Variants in SLC7A6OS observed in about 807,000 individuals in gnomAD.
SLC7A6OS encodes the protein probable RNA polymerase II nuclear localization protein SLC7A6OS.
In SLC7A6OS, 22 loss-of-function variants were observed where a neutral mutation model predicts 34.3. The ratio of observed to expected loss-of-function variants is 0.64; its 90% CI spans 0.46 to 0.92. The LOEUF (loss-of-function observed/expected upper bound fraction) is 0.92. SLC7A6OS is among the 40% of genes least tolerant of loss of function. The probability of loss-of-function intolerance (pLI) is 0.00; values close to 1 mark genes in which losing one functional copy is unlikely to be tolerated. For missense variants in SLC7A6OS, 434 were observed against 407.7 expected (o/e 1.06, Z -0.56); for synonymous variants, 199 against 165.0 (o/e 1.21, Z -1.58).
rs751661935 is a variant in SLC7A6OS, at chr16:68,310,624, A to T, written c.193-11T>A. On this transcript the variant is annotated splice_polypyrimidine_tract_variant and intron_variant, in intron 1 of 4. Transcript: ENST00000263997. ...CTGGACTGGTTCCTCCTAGGGGGCA[A>T]CAGGGGACGGAGGCCAGCGTAAGCA... 6.3e-7 allele frequency: 1 copy of T among 1,591,852 alleles called. No individual in the cohort carries two copies. The highest frequency in any genetic ancestry group is 1.3e-5 in the African/African-American group (1 of 74,566).
chr16:68,304,009 C>T lies in SLC7A6OS; in HGVS notation c.678+17G>A. ...CTTAGGATGCCTCATGCCCCGTCTG[C>T]TCATGGGCCCCCTTACCAGCTCCCA... On this transcript the variant is annotated intron_variant, in intron 3 of 4. Coordinates refer to ENST00000263997, the MANE Select transcript of SLC7A6OS (RefSeq NM_032178.3). The T allele has an allele frequency of 6.2e-7, 1 of 1,610,870 alleles. No individual in the cohort carries two copies. The highest frequency in any genetic ancestry group is 8.5e-7 in the Non-Finnish European group (1 of 1,178,238).
intron 2 of SLC7A6OS, among the ~76,000 whole-genome samples, chr16:68,307,361 A>G (rs1323687172): frequency 6.6e-6 from 1 of 152,188 alleles, no homozygotes; most frequent in East Asian, 1.9e-4. Flanking sequence ...CCCTAGGATA[A>G]ATCTTGGAGG....
chr16:68,303,423 A>C (rs2043301988), intron 3 of SLC7A6OS, among the ~76,000 whole-genome samples: 1 of 151,932 alleles, frequency 6.6e-6, no homozygotes, highest in African/African-American at 2.4e-5. Flanking sequence ...CTACAAAAAA[A>C]TCAACAAAAA....
chr16:68,301,174 T>C lies in SLC7A6OS; in HGVS notation c.*101A>G, dbSNP rs1597018646. 34 of 1,505,544 alleles carry C rather than the reference T, an allele frequency of 2.3e-5. No individual in the cohort carries two copies. The East Asian group carries it at 7.8e-4, about 35-fold the overall frequency. 93.3% of individuals were successfully genotyped at this position (1,505,544 alleles called of 1,614,324 possible). Reference sequence around the variant, plus strand: ...TGCTTGATATGCTTTTCCTTCCACATGTTAAGCTAGGAAACCTAACAGGAT... The same window carrying C: ...TGCTTGATATGCTTTTCCTTCCACACGTTAAGCTAGGAAACCTAACAGGAT... On this transcript the variant is annotated 3_prime_UTR_variant, in exon 5 of 5. Coordinates refer to ENST00000263997, the MANE Select transcript of SLC7A6OS (RefSeq NM_032178.3).
At position 68,301,036 on chromosome 16, in the gene SLC7A6OS, T is replaced by C. The variant is rs1278017423; in HGVS notation, c.*239A>G. The C allele has an allele frequency of 5.9e-6, 7 of 1,177,918 alleles. No individual in the cohort carries two copies. Among genetic ancestry groups the C allele is most frequent in the Non-Finnish European group, 7.3e-6 (7 of 954,222 alleles). 73.0% of individuals were successfully genotyped at this position (1,177,918 alleles called of 1,614,324 possible). ...CCTTCCTTTTTTCAACGTTTTTTTT[T>C]CTTTCAAACTGTAGGGTCACTTTTG... On this transcript the variant is annotated 3_prime_UTR_variant, in exon 5 of 5. Transcript: ENST00000263997.
Position 68,298,947 on chromosome 16 carries a change from A to T in SLC7A6OS, c.*2328T>A, listed in dbSNP as rs530677173. On this transcript the variant is annotated 3_prime_UTR_variant, in exon 5 of 5. Coordinates refer to ENST00000263997, the MANE Select transcript of SLC7A6OS (RefSeq NM_032178.3). ...TCTCCCTTCCTGACCATTCTTCTCC[A>T]CCCAGTCACAGATAAGGGAATAACC... 10 of 152,760 alleles carry T rather than the reference A, an allele frequency of 6.5e-5. No homozygotes were observed. The highest frequency in any genetic ancestry group is 5.2e-4 in the Admixed American group (8 of 15,292). The allele number at this position is 152,760 out of a possible 1,614,324, so 9.5% of individuals were successfully genotyped here.
At chr16:68,302,621 C>A in intron 3 of SLC7A6OS, 120 bp from the exon 4 acceptor site, 1 of 1,171,572 alleles carries the variant, frequency 8.5e-7, no homozygotes. Flanking sequence ...GAAAAAACTG[C>A]AGACTAGTAG....
intron 2 of SLC7A6OS, 107 bp from the exon 3 acceptor site, chr16:68,304,339 G>C (rs2043310768): frequency 2.0e-6 from 2 of 991,452 alleles, no homozygotes; most frequent in Middle Eastern, 2.4e-4. Flanking sequence ...AGTTTTTTTT[G>C]AGACGGAGTC....
chr16:68,300,589 T>G lies in SLC7A6OS; in HGVS notation c.*686A>C. 1.0e-6 allele frequency: 1 copy of G among 979,978 alleles called. No individual in the cohort carries two copies. The highest frequency in any genetic ancestry group is 1.2e-6 in the Non-Finnish European group (1 of 824,956). 60.7% of individuals were successfully genotyped at this position (979,978 alleles called of 1,614,324 possible). On this transcript the variant is annotated 3_prime_UTR_variant, in exon 5 of 5. Coordinates refer to ENST00000263997, the MANE Select transcript of SLC7A6OS (RefSeq NM_032178.3). Reference sequence around the variant, plus strand: ...GCTCCCTGTTTTAGATATTCAGATTTAAAAGGTTTTCAAAGAATTACTTTC... The same window carrying G: ...GCTCCCTGTTTTAGATATTCAGATTGAAAAGGTTTTCAAAGAATTACTTTC...
chr16:68,304,238 A>C lies in SLC7A6OS; in HGVS notation c.472-6T>G, dbSNP rs746213685. Reference sequence around the variant, plus strand: ...ATCACATCTGGGTCAGATGTCTGTAAAGAAACCACAGATTACACACACACG... The same window carrying C: ...ATCACATCTGGGTCAGATGTCTGTACAGAAACCACAGATTACACACACACG... On this transcript the variant is annotated splice_polypyrimidine_tract_variant and splice_region_variant and intron_variant, in intron 2 of 4. Coordinates refer to ENST00000263997, the MANE Select transcript of SLC7A6OS (RefSeq NM_032178.3). 1 of 1,613,122 alleles carries C rather than the reference A, an allele frequency of 6.2e-7. No individual in the cohort carries two copies. Among genetic ancestry groups the C allele is most frequent in the Non-Finnish European group, 8.5e-7 (1 of 1,179,088 alleles).
chr16:68,310,506 C>G lies in SLC7A6OS; in HGVS notation c.300G>C (p.Glu100Asp). The G allele has an allele frequency of 1.3e-6, 2 of 1,584,252 alleles. No individual in the cohort carries two copies. The highest frequency in any genetic ancestry group is 1.7e-6 in the Non-Finnish European group (2 of 1,166,102). ...LRASAREVRQ[E>D]GRYRVLSSRR... ...GGCTGGAAAGCACCCGGTAGCGGCC[C>G]TCCTGCCGGACCTCCCGAGCCGAGG... is the stretch of plus-strand genomic sequence containing the variant. The change falls in exon 2 of 5, where the codon GAG (glutamate) becomes GAC (aspartate). Residue 100 changes from glutamate (E) to aspartate (D), a missense_variant. Physicochemically the swap from Glu to Asp is conservative, Grantham distance 45 (BLOSUM62 2). Coordinates refer to ENST00000263997, the MANE Select transcript of SLC7A6OS (RefSeq NM_032178.3).
intron 2 of SLC7A6OS, among the ~76,000 whole-genome samples, chr16:68,308,760 G>C (rs2043344861): frequency 6.6e-6 from 1 of 151,634 alleles, no homozygotes; most frequent in Non-Finnish European, 1.5e-5. Flanking sequence ...TTTATCAAGA[G>C]AGGGCATATT....
At position 68,299,562 on chromosome 16, in the gene SLC7A6OS, GT is replaced by G. The variant is rs2043233411; in HGVS notation, c.*1712del. 2.0e-5 allele frequency: 3 copies of G among 152,234 alleles called. No homozygotes were observed. The highest frequency in any genetic ancestry group is 1.3e-4 in the Admixed American group (2 of 15,266). The allele number at this position is 152,234 out of a possible 1,614,324, so 9.4% of individuals were successfully genotyped here. ...TCTGTCTCCTTAAATCCTTTTCCTG[GT>G]GTGCTTATTATCCCTTTTGCAGTGA... On this transcript the variant is annotated 3_prime_UTR_variant, in exon 5 of 5. Coordinates refer to ENST00000263997, the MANE Select transcript of SLC7A6OS (RefSeq NM_032178.3).
chr16:68,310,839 G>A lies in SLC7A6OS; in HGVS notation c.88C>T (p.Leu30Phe). Residue 30 changes from leucine to phenylalanine, a missense_variant, in exon 1 of 5, where the codon CTC (leucine) becomes TTC (phenylalanine). Physicochemically the swap from Leu to Phe is conservative, Grantham distance 22. Coordinates refer to ENST00000263997, the MANE Select transcript of SLC7A6OS (RefSeq NM_032178.3). ...GCTGACTCGACCGCGTCGCTCCGGA[G>A]GCGTTTACAAGCGAGCACAAGAGCC... ...AEALVLACKR[L>F]RSDAVESAAQ... The A allele has an allele frequency of 6.2e-7, 1 of 1,613,590 alleles. No homozygotes were observed. Among genetic ancestry groups the A allele is most frequent in the Non-Finnish European group, 8.5e-7 (1 of 1,179,960 alleles).
intron 3 of SLC7A6OS, chr16:68,303,809 T>G (rs188249227): frequency 3.6e-6 from 2 of 557,346 alleles, no homozygotes; most frequent in Admixed American, 6.4e-5. Context: ...AAAATATTCA[T>G]TAATGTAAAA....
chr16:68,306,998 C>A (rs967675419), intron 2 of SLC7A6OS, among the ~76,000 whole-genome samples: 1 of 152,134 alleles, frequency 6.6e-6, no homozygotes, highest in African/African-American at 2.4e-5. Context: ...AACTACTGAG[C>A]CCAGCCCATA....
At chr16:68,308,964 A>G (rs907973012) in intron 2 of SLC7A6OS, among the ~76,000 whole-genome samples, 1 of 151,042 alleles carries the variant, frequency 6.6e-6, no homozygotes, top group African/African-American at 2.4e-5. Flanking sequence ...AGGTAGGAGA[A>G]TTGCTTGAAC....
chr16:68,301,152 T>C lies in SLC7A6OS; in HGVS notation c.*123A>G. On this transcript the variant is annotated 3_prime_UTR_variant, in exon 5 of 5. Coordinates refer to ENST00000263997, the MANE Select transcript of SLC7A6OS (RefSeq NM_032178.3). ...GGTGGGATGGTGCCGCCCGATATGC[T>C]TGATATGCTTTTCCTTCCACATGTT... 6.8e-7 allele frequency: 1 copy of C among 1,473,120 alleles called. No homozygotes were observed. Among genetic ancestry groups the C allele is most frequent in the Non-Finnish European group, 9.0e-7 (1 of 1,108,220 alleles). The allele number at this position is 1,473,120 out of a possible 1,614,324, so 91.3% of individuals were successfully genotyped here.
chr16:68,301,016 C>T lies in SLC7A6OS; in HGVS notation c.*259G>A, dbSNP rs1044872626. The stretch of plus-strand genomic sequence containing the variant: ...AGAAGCTAAAGCTAAAGAAACCTTC[C>T]TTTTTTCAACGTTTTTTTTTCTTTC... On this transcript the variant is annotated 3_prime_UTR_variant, in exon 5 of 5. Transcript: ENST00000263997. 3 of 1,130,392 alleles carry T rather than the reference C, an allele frequency of 2.7e-6. No homozygotes were observed. Among genetic ancestry groups the T allele is most frequent in the South Asian group, 8.4e-5 (2 of 23,774 alleles). 70.0% of individuals were successfully genotyped at this position (1,130,392 alleles called of 1,614,324 possible).
Sources: allele counts gnomAD v4.1 joint callset (sites outside exome capture counted in the v4.1 genomes callset), GRCh38; gene constraint gnomAD v4.1.1; transcripts MANE v1.5; gene names NCBI Gene and HGNC (gene_info 2026-07-23, HGNC 2026-07-21).